The following AFF4 variants were observed in gnomAD, a reference collection of about 807,000 sequenced individuals.
AFF4 encodes AF4/FMR2 family member 4.
A neutral mutation model predicts 124.8 loss-of-function variants in AFF4; 13 were observed. The ratio of observed to expected loss-of-function variants is 0.10; its 90% CI spans 0.07 to 0.17. AFF4 has a LOEUF of 0.17. Among genes scored for constraint, AFF4 ranks in the 10% least tolerant of loss-of-function variants. The pLI, the probability that AFF4 is intolerant of heterozygous loss-of-function variation, is 1.00. For missense variants in AFF4, 1,092 were observed against 1,403.8 expected (o/e 0.78, Z 3.55); for synonymous variants, 477 against 496.1 (o/e 0.96, Z 0.51).
At chr5:132,920,920 G>C (rs1031562504) in intron 5 of AFF4, among the ~76,000 whole-genome samples, 1 of 152,044 alleles carries the variant, frequency 6.6e-6, no homozygotes, top group Non-Finnish European at 1.5e-5. Context: ...AAGGTCAGGA[G>C]ATCGAGACCA....
At chr5:132,935,048 G>A in intron 2 of AFF4, 107 bp from the exon 3 acceptor site, 1 of 882,694 alleles carries the variant, frequency 1.1e-6, no homozygotes, top group Non-Finnish European at 1.6e-6. Flanking sequence ...GCTTTTCAAA[G>A]GGAGGCTTTA....
intron 2 of AFF4, among the ~76,000 whole-genome samples, chr5:132,935,310 A>G (rs1761399038): frequency 6.6e-6 from 1 of 152,242 alleles, no homozygotes; most frequent in Admixed American, 6.5e-5. Context: ...TAACATAGCA[A>G]GACTGTCTTT....
intron 5 of AFF4, among the ~76,000 whole-genome samples, chr5:132,923,765 T>C (rs1020574935): frequency 1.3e-5 from 2 of 152,082 alleles, no homozygotes; most frequent in Admixed American, 6.6e-5. Flanking sequence ...TAAGTAAAAT[T>C]TAACATGCAC....
At chr5:132,894,212 A>C (rs1760331991) in intron 11 of AFF4, among the ~76,000 whole-genome samples, 1 of 152,232 alleles carries the variant, frequency 6.6e-6, no homozygotes, top group Admixed American at 6.5e-5. Flanking sequence ...CTGCAGATCA[A>C]AAGGTAACTC....
intron 5 of AFF4, among the ~76,000 whole-genome samples, chr5:132,925,203 A>AAATT (rs1761141548): frequency 6.6e-6 from 1 of 151,898 alleles, no homozygotes; most frequent in Admixed American, 6.6e-5. Context: ...ATAAATAAAT[A>AAATT]AATAAATACC....
At chr5:132,883,306 C>A in intron 20 of AFF4, 34 bp downstream of exon 20, 6 of 1,587,694 alleles carry the variant, frequency 3.8e-6, no homozygotes, top group Non-Finnish European at 4.3e-6. Flanking sequence ...TCTAACAATT[C>A]CATCCCTTGA....
chr5:132,900,075 T>C (rs1760510368), intron 7 of AFF4, among the ~76,000 whole-genome samples: 1 of 152,202 alleles, frequency 6.6e-6, no homozygotes, highest in African/African-American at 2.4e-5. Context: ...TTGTCCCCCA[T>C]GTTCCATAAA....
intron 1 of AFF4, among the ~76,000 whole-genome samples, chr5:132,949,701 C>T (rs1043053095): frequency 3.2e-5 from 3 of 94,138 alleles, no homozygotes; most frequent in South Asian, 2.5e-4. Context: ...CACACACACA[C>T]GCGCGCGCGC....
intron 3 of AFF4, 33 bp from the exon 4 acceptor site, chr5:132,932,255 T>C (rs760041767): frequency 8.2e-6 from 13 of 1,577,902 alleles, no homozygotes; most frequent in Middle Eastern, 1.7e-4. Flanking sequence ...ATTAGATTTT[T>C]ATCAGTAGAT....
chr5:132,892,206 C>G lies in AFF4; in HGVS notation c.2595G>C (p.Lys865Asn), dbSNP rs747252018. Reference protein sequence around the residue: ...SKNSSSTSKQKKTEGKTSSSS... With the variant: ...SKNSSSTSKQNKTEGKTSSSS... Reference sequence around the variant, plus strand: ...TACTGGAAGTCTTCCCTTCGGTCTTCTTCTGCTTTGATGTGGAGGAACTGT... The same window carrying G: ...TACTGGAAGTCTTCCCTTCGGTCTTGTTCTGCTTTGATGTGGAGGAACTGT... Residue 865 changes from lysine to asparagine, a missense_variant, in exon 13 of 21, where the codon AAG becomes AAC. Physicochemically the swap from Lys to Asn is moderately conservative, Grantham distance 94 (BLOSUM62 0). This residue lies in a region of AFF4 where 293 missense variants were observed against 280.2 expected (regional missense o/e 1.05). Coordinates refer to ENST00000265343, the MANE Select transcript of AFF4 (RefSeq NM_014423.4). 9.9e-6 allele frequency: 16 copies of G among 1,614,032 alleles called. No homozygotes were observed. Among genetic ancestry groups the G allele is most frequent in the Non-Finnish European group, 1.4e-5 (16 of 1,180,036 alleles).
intron 16 of AFF4, 84 bp downstream of exon 16, chr5:132,887,762 T>C: frequency 1.3e-6 from 2 of 1,553,314 alleles, no homozygotes; most frequent in Non-Finnish European, 1.8e-6. Context: ...TACACCCTCT[T>C]CAGTTTACTA....
intron 1 of AFF4, among the ~76,000 whole-genome samples, chr5:132,958,369 G>C (rs1762006797): frequency 6.9e-6 from 1 of 144,720 alleles, no homozygotes; most frequent in South Asian, 2.3e-4. Context: ...GGGAGGCTGA[G>C]TTATGAAAAT....
rs781517016 is a variant in AFF4 at position 132,926,345 on chromosome 5, TTAAGTA to T, written c.1050+770_1050+775del. On this transcript the variant is annotated intron_variant, in intron 5 of 20. Transcript: ENST00000265343. ...TTGTTTTAAGTGTAAATTAATACTG[TTAAGTA>T]TAAGTTTAAAAAAAAGTCAATCTGC... 4.4e-4 allele frequency: 130 copies of T among 294,532 alleles called. No homozygotes were observed. The Middle Eastern group carries it at 5.7e-3, about 13-fold the overall frequency. 18.2% of individuals were successfully genotyped at this position (294,532 alleles called of 1,614,324 possible).
chr5:132,956,050 T>C (rs1459611957), intron 1 of AFF4, among the ~76,000 whole-genome samples: 1 of 151,494 alleles, frequency 6.6e-6, no homozygotes, highest in Non-Finnish European at 1.5e-5. Flanking sequence ...ATTACACAAA[T>C]ATACATATTC....
At chr5:132,959,781 T>C (rs1054606261) in intron 1 of AFF4, among the ~76,000 whole-genome samples, 1 of 146,544 alleles carries the variant, frequency 6.8e-6, no homozygotes, top group African/African-American at 2.5e-5. Flanking sequence ...TTTTTTTTTT[T>C]TGAGACGGAG....
rs765464106 is a variant in AFF4, at chr5:132,892,309, C to T, written c.2492G>A (p.Arg831Gln). The T allele has an allele frequency of 9.9e-6, 16 of 1,613,986 alleles. No individual in the cohort carries two copies. The highest frequency in any genetic ancestry group is 4.5e-5 in the East Asian group (2 of 44,890). ...AGAAGACTGACTAATAGTCCTCTTC[C>T]GAGAGCCATGCTCTGTTTTTGGATC... is the stretch of plus-strand genomic sequence containing the variant. Reference protein sequence around the residue: ...SKDPKTEHGSRKRTISQSSSL... With the variant: ...SKDPKTEHGSQKRTISQSSSL... Residue 831 changes from arginine (R) to glutamine (Q), a missense_variant, in exon 13 of 21, where the codon CGG becomes CAG. Physicochemically the swap from Arg to Gln is conservative, Grantham distance 43. This residue lies in a region of AFF4 where 293 missense variants were observed against 280.2 expected (regional missense o/e 1.05). Transcript: ENST00000265343.
intron 2 of AFF4, 137 bp downstream of exon 2, chr5:132,936,930 T>C: frequency 8.6e-7 from 1 of 1,164,808 alleles, no homozygotes; most frequent in Non-Finnish European, 1.2e-6. Flanking sequence ...AAATATCTTC[T>C]ATGTAAAGGA....
At position 132,934,341 on chromosome 5, in the gene AFF4, A is replaced by G. The variant is rs943698029; in HGVS notation, c.724T>C (p.Leu242=). The change falls in exon 3 of 21, where the codon TTG becomes CTG. Residue 242 remains leucine, a synonymous_variant. Coordinates refer to ENST00000265343, the MANE Select transcript of AFF4 (RefSeq NM_014423.4). Reference sequence around the variant, plus strand: ...AACATTGAATTGGACTTTGACATCAATGAGGGTGGGAAAGATTGAGTTGAG... The same window carrying G: ...AACATTGAATTGGACTTTGACATCAGTGAGGGTGGGAAAGATTGAGTTGAG... ...QHSTQSFPPS[L]MSKSNSMLQK... 5 of 1,614,024 alleles carry G rather than the reference A, an allele frequency of 3.1e-6. No homozygotes were observed. The highest frequency in any genetic ancestry group is 3.3e-5 in the Admixed American group (2 of 59,986).
rs1361782670 is a variant in AFF4 at position 132,914,137 on chromosome 5, A to G, written c.1051-9733T>C. ...CAGCTACTTGGGAGCCTGAGGCAGG[A>G]GAATCCTTTGAACCGGTGAGGTGGA... On this transcript the variant is annotated intron_variant, in intron 5 of 20. Coordinates refer to ENST00000265343, the MANE Select transcript of AFF4 (RefSeq NM_014423.4). 3.9e-5 allele frequency among the ~76,000 whole-genome samples: 6 copies of G among 152,240 alleles called. No homozygotes were observed. In the East Asian group the frequency reaches 1.2e-3, roughly 29 times the overall value.
Sources: allele counts gnomAD v4.1 joint callset (sites outside exome capture counted in the v4.1 genomes callset), GRCh38; gene constraint gnomAD v4.1.1; regional missense constraint gnomAD v4.1.1; transcripts MANE v1.5; gene names NCBI Gene and HGNC (gene_info 2026-07-23, HGNC 2026-07-21).